ZNF804B: variants seen among roughly 807,000 people sequenced by gnomAD.
ZNF804B encodes the protein zinc finger protein 804B.
A neutral mutation model predicts 101.4 loss-of-function variants in ZNF804B; 80 were observed. The observed-to-expected ratio is 0.79, with a 90% CI of 0.66 to 0.95. ZNF804B has a LOEUF of 0.95. Among genes scored for constraint, ZNF804B ranks in the 40% least tolerant of loss-of-function variants. ZNF804B has a pLI of 0.00. For missense variants in ZNF804B, 1,673 were observed against 1,561.9 expected, an observed-to-expected ratio of 1.07 and a Z score of -1.20; for synonymous variants, 622 against 558.8, an observed-to-expected ratio of 1.11 and a Z score of -1.59.
chr7:88,851,401 G>A lies in ZNF804B; in HGVS notation c.108+91317G>A, dbSNP rs542987275. On this transcript the variant is annotated intron_variant, in intron 1 of 3. Coordinates refer to ENST00000333190, the MANE Select transcript of ZNF804B (RefSeq NM_181646.5). ...GCCAAAGGAAAAAAGACACATTTTG[G>A]GAGAGAGGAACAAAGACACCACTGA... 3.3e-5 allele frequency among the ~76,000 whole-genome samples: 5 copies of A among 152,094 alleles called. No homozygotes were observed. The East Asian group carries it at 9.7e-4, about 29-fold the overall frequency.
chr7:88,947,504 A>G (rs543902042), intron 1 of ZNF804B, among the ~76,000 whole-genome samples: 2 of 151,016 alleles, frequency 1.3e-5, no homozygotes, highest in Non-Finnish European at 3.0e-5. Flanking sequence ...ATCAAACACC[A>G]GGGCCTGTCA....
chr7:89,233,139 G>T (rs1789225358), intron 2 of ZNF804B, among the ~76,000 whole-genome samples: 1 of 152,102 alleles, frequency 6.6e-6, no homozygotes, highest in Non-Finnish European at 1.5e-5. Context: ...TGTTAGCCAG[G>T]ATGGTCTCCA....
intron 1 of ZNF804B, among the ~76,000 whole-genome samples, chr7:88,914,477 T>A (rs1400776299): frequency 6.6e-6 from 1 of 152,118 alleles, no homozygotes; most frequent in Admixed American, 6.6e-5. Context: ...GGAATACCAA[T>A]TTTTTGACCC....
At chr7:88,957,810 A>C (rs1372155104) in intron 1 of ZNF804B, among the ~76,000 whole-genome samples, 1 of 151,286 alleles carries the variant, frequency 6.6e-6, no homozygotes, top group Non-Finnish European at 1.5e-5. Context: ...CTTAGTCTTA[A>C]AAAATTATTT....
chr7:89,211,150 A>C (rs1562917139), intron 1 of ZNF804B, among the ~76,000 whole-genome samples: 1 of 152,082 alleles, frequency 6.6e-6, no homozygotes, highest in Non-Finnish European at 1.5e-5. Context: ...TCTTTTGAGG[A>C]GTGTCTGTTC....
chr7:89,102,389 G>A (rs980729399), intron 1 of ZNF804B, among the ~76,000 whole-genome samples: 1 of 151,804 alleles, frequency 6.6e-6, no homozygotes, highest in Non-Finnish European at 1.5e-5. Flanking sequence ...ACCATTATGA[G>A]TGGTATAAAA....
At chr7:89,162,758 C>T (rs953982080) in intron 1 of ZNF804B, among the ~76,000 whole-genome samples, 3 of 150,160 alleles carry the variant, frequency 2.0e-5, no homozygotes, top group Non-Finnish European at 3.0e-5. Context: ...CACCCACTAA[C>T]TCGTCATCTA....
At chr7:89,087,487 T>C (rs1789822282) in intron 1 of ZNF804B, among the ~76,000 whole-genome samples, 1 of 151,952 alleles carries the variant, frequency 6.6e-6, no homozygotes. Context: ...AAATACAACA[T>C]CAAAATACAC....
Position 89,001,232 on chromosome 7 carries a change from A to G in ZNF804B, c.109-216923A>G, listed in dbSNP as rs1350438076. Among the ~76,000 whole-genome samples the G allele has an allele frequency of 6.6e-5, 10 of 150,896 alleles. No individual in the cohort carries two copies. The East Asian group carries it at 1.6e-3, about 23-fold the overall frequency. On this transcript the variant is annotated intron_variant, in intron 1 of 3. Coordinates refer to ENST00000333190, the MANE Select transcript of ZNF804B (RefSeq NM_181646.5). ...TTCTCACCACAAAAGGAACCATGGG[A>G]GATAATGCACATGCTAATTAGCTAT...
intron 2 of ZNF804B, among the ~76,000 whole-genome samples, chr7:89,297,572 T>C (rs1370783963): frequency 6.6e-6 from 1 of 152,036 alleles, no homozygotes; most frequent in Non-Finnish European, 1.5e-5. Flanking sequence ...CTGCAGAACT[T>C]TGACATTTCT....
At chr7:88,923,865 A>G (rs989892646) in intron 1 of ZNF804B, among the ~76,000 whole-genome samples, 11 of 152,140 alleles carry the variant, frequency 7.2e-5, no homozygotes, top group Non-Finnish European at 1.5e-4. Flanking sequence ...TTAAGGTACC[A>G]TGATATCCCT....
At chr7:89,009,925 A>C (rs1392697365) in intron 1 of ZNF804B, among the ~76,000 whole-genome samples, 1 of 152,196 alleles carries the variant, frequency 6.6e-6, no homozygotes, top group Non-Finnish European at 1.5e-5. Flanking sequence ...GGAGAGAAGA[A>C]TGTCTTTTAA....
intron 1 of ZNF804B, among the ~76,000 whole-genome samples, chr7:88,912,098 AACAATCTTCCAAAGTAATTGT>A (rs1792557844): frequency 2.0e-5 from 3 of 151,980 alleles, no homozygotes; most frequent in Non-Finnish European, 4.4e-5. Context: ...CAACCACAAA[AACAATCTTCCAAAGTAATTGT>A]ACTATTTTGC....
chr7:88,972,622 T>C (rs1793554476), intron 1 of ZNF804B, among the ~76,000 whole-genome samples: 1 of 151,204 alleles, frequency 6.6e-6, no homozygotes. Flanking sequence ...TATTGAAAAA[T>C]GGAAGAAAGT....
At chr7:89,283,281 T>C (rs1790127602) in intron 2 of ZNF804B, among the ~76,000 whole-genome samples, 1 of 152,040 alleles carries the variant, frequency 6.6e-6, no homozygotes, top group African/African-American at 2.4e-5. Flanking sequence ...AATTAAAATG[T>C]GGTATTGAGA....
chr7:88,870,055 G>A (rs1466989520), intron 1 of ZNF804B, among the ~76,000 whole-genome samples: 2 of 152,166 alleles, frequency 1.3e-5, no homozygotes, highest in Non-Finnish European at 2.9e-5. Context: ...CCACAGACCA[G>A]GCCCTCCAGG....
rs190579568 is a variant in ZNF804B at position 88,853,934 on chromosome 7, C to G, written c.108+93850C>G. ...TGCTAATGATAAGATTAAAACGTTT[C>G]GAGGGCTGTTAAAATTAGATTTAGC... On this transcript the variant is annotated intron_variant, in intron 1 of 3. Coordinates refer to ENST00000333190, the MANE Select transcript of ZNF804B (RefSeq NM_181646.5). Among the ~76,000 whole-genome samples the G allele has an allele frequency of 2.6e-5, 4 of 152,010 alleles. No individual in the cohort carries two copies. In the East Asian group the frequency reaches 7.7e-4, roughly 29 times the overall value.
intron 1 of ZNF804B, among the ~76,000 whole-genome samples, chr7:88,768,777 T>C (rs1366342223): frequency 6.6e-6 from 1 of 152,182 alleles, no homozygotes; most frequent in Non-Finnish European, 1.5e-5. Flanking sequence ...TTCTATGATA[T>C]ATTATACCTA....
intron 1 of ZNF804B, among the ~76,000 whole-genome samples, chr7:89,026,761 G>A (rs1276413677): frequency 6.6e-6 from 1 of 152,142 alleles, no homozygotes; most frequent in Non-Finnish European, 1.5e-5. Context: ...AAACCCAGGA[G>A]AAGTGAGAAG....
Sources: gnomAD v4.1 joint callset for allele counts (sites outside exome capture counted in the v4.1 genomes callset) on GRCh38, gnomAD v4.1.1 for gene constraint, MANE v1.5 for transcripts, NCBI Gene and HGNC (gene_info 2026-07-23, HGNC 2026-07-21) for gene names.